ARHGEF6: variants seen among roughly 807,000 people sequenced by gnomAD.
ARHGEF6 encodes the protein Rac/Cdc42 guanine nucleotide exchange factor 6.
A neutral mutation model predicts 70.3 loss-of-function variants in ARHGEF6; 9 were observed. That is an observed-to-expected ratio of 0.13 (90% CI 0.08 to 0.22). The LOEUF is 0.22. Ranked by LOEUF, ARHGEF6 falls within the 10% of genes least tolerant of loss-of-function variation. ARHGEF6 has a pLI of 1.00. For missense variants in ARHGEF6, 470 were observed against 563.0 expected, an observed-to-expected ratio of 0.83 and a Z score of 1.67; for synonymous variants, 201 against 207.8, an observed-to-expected ratio of 0.97 and a Z score of 0.28.
intron 2 of ARHGEF6, among the ~76,000 whole-genome samples, chrX:136,771,190 C>T (rs781527198): frequency 2.7e-5 from 3 of 111,940 alleles, no homozygotes; most frequent in African/African-American, 6.5e-5. Context: ...AGTGGAAATA[C>T]ATCCCATAAG....
chrX:136,777,167 G>A (rs1489795436), intron 2 of ARHGEF6, among the ~76,000 whole-genome samples: 1 of 111,619 alleles, frequency 9.0e-6, no homozygotes, highest in Non-Finnish European at 1.9e-5. Flanking sequence ...AGAGGTTGCA[G>A]TGAGCCAAGA....
intron 6 of ARHGEF6, among the ~76,000 whole-genome samples, chrX:136,727,914 C>T (rs1218053052): frequency 9.1e-6 from 1 of 110,326 alleles, no homozygotes; most frequent in African/African-American, 3.3e-5. Context: ...CCTTACAACA[C>T]CTTACAACCT....
At chrX:136,747,255 G>T (rs1311930482) in intron 3 of ARHGEF6, among the ~76,000 whole-genome samples, 1 of 111,234 alleles carries the variant, frequency 9.0e-6, no homozygotes, top group East Asian at 2.8e-4. Flanking sequence ...GTGATTCAGA[G>T]CTTTGAATGG....
In ARHGEF6 at chrX:136,762,969, G is replaced by C. The variant is rs111820519; in HGVS notation, c.250-15377C>G. On this transcript the variant is annotated intron_variant, in intron 2 of 21. Coordinates refer to ENST00000250617, the MANE Select transcript of ARHGEF6 (RefSeq NM_004840.3). ...AACCAGGAATCAAACCCAGACCAAG[G>C]CAGGAAAAGGAACATATTCTAGCGA... Among the ~76,000 whole-genome samples, 411 of 111,931 alleles carry C rather than the reference G, an allele frequency of 3.7e-3. 1 individual carries two copies. Among genetic ancestry groups the C allele is most frequent in the African/African-American group, 0.011 (353 of 30,784 alleles).
chrX:136,705,541 C>G (rs908723764), intron 9 of ARHGEF6, among the ~76,000 whole-genome samples: 1 of 111,790 alleles, frequency 8.9e-6, no homozygotes, highest in African/African-American at 3.3e-5. Flanking sequence ...TTAACCTAAG[C>G]CTTCCAATGT....
At chrX:136,731,684 G>A (rs962436891) in intron 6 of ARHGEF6, among the ~76,000 whole-genome samples, 1 of 112,105 alleles carries the variant, frequency 8.9e-6, no homozygotes, top group African/African-American at 3.2e-5. Context: ...TATTCCAGAC[G>A]ATATAATAAT....
chrX:136,701,860 A>C (rs762636272), intron 9 of ARHGEF6, among the ~76,000 whole-genome samples: 31 of 107,599 alleles, frequency 2.9e-4, no homozygotes, highest in African/African-American at 1.0e-3. Flanking sequence ...GGCGCCCACC[A>C]CCACGCCCGG....
intron 3 of ARHGEF6, among the ~76,000 whole-genome samples, chrX:136,746,728 C>T (rs185753082): frequency 2.2e-4 from 24 of 111,403 alleles, no homozygotes; most frequent in African/African-American, 6.9e-4. Context: ...CCCAACTCAG[C>T]GACTAACTTT....
chrX:136,729,052 C>G (rs1377362656), intron 6 of ARHGEF6, among the ~76,000 whole-genome samples: 1 of 84,689 alleles, frequency 1.2e-5, no homozygotes, highest in African/African-American at 4.5e-5. Flanking sequence ...CTCTCTCTCT[C>G]TCCTCCCCCA....
intron 17 of ARHGEF6, 63 bp downstream of exon 17, chrX:136,677,873 A>G: frequency 1.0e-6 from 1 of 991,589 alleles, no homozygotes; most frequent in Non-Finnish European, 1.4e-6. Context: ...AGCTTCATTC[A>G]TCAAAGGTTA....
At chrX:136,725,373 C>CAA (rs369063268) in intron 6 of ARHGEF6, among the ~76,000 whole-genome samples, 1 of 99,882 alleles carries the variant, frequency 1.0e-5, no homozygotes, top group African/African-American at 3.8e-5. Flanking sequence ...GCCCCCCCCC[C>CAA]AAAAAAAAAC....
chrX:136,743,537 GA>G, intron 5 of ARHGEF6, 47 bp downstream of exon 5: 1 of 1,141,529 alleles, frequency 8.8e-7, no homozygotes. Flanking sequence ...AGAATACCAA[GA>G]AAGTACAAGA....
chrX:136,778,673 A>G (rs1427390722), intron 2 of ARHGEF6, among the ~76,000 whole-genome samples: 1 of 110,308 alleles, frequency 9.1e-6, no homozygotes, highest in Non-Finnish European at 1.9e-5. Flanking sequence ...TATTTTTTGT[A>G]GAGTCACCAT....
At position 136,743,674 on chromosome X, in the gene ARHGEF6, C is replaced by T; in HGVS notation, c.572G>A (p.Arg191Gln). Residue 191 changes from arginine (R) to glutamine (Q), a missense_variant, in exon 5 of 22, where the codon CGA (arginine) becomes CAA (glutamine). Physicochemically the swap from Arg to Gln is conservative, Grantham distance 43 (BLOSUM62 1). This residue lies in a region of ARHGEF6 where 379 missense variants were observed against 449.3 expected (regional missense o/e 0.84). Coordinates refer to ENST00000250617, the MANE Select transcript of ARHGEF6 (RefSeq NM_004840.3). ...TTCCCACCAGCCTCCTTCTTCAACTCGTGTGACGTAAATGATGTCCCCCTT... is the reference window on the plus strand; with the variant it reads ...TTCCCACCAGCCTCCTTCTTCAACTTGTGTGACGTAAATGATGTCCCCCTT... ...VCKGDIIYVT[R>Q]VEEGGWWEGT... The T allele has an allele frequency of 1.7e-6, 2 of 1,211,666 alleles. No individual in the cohort carries two copies. The highest frequency in any genetic ancestry group is 2.2e-6 in the Non-Finnish European group (2 of 895,300).
At chrX:136,672,788 C>G (rs2076239031) in intron 19 of ARHGEF6, among the ~76,000 whole-genome samples, 1 of 112,149 alleles carries the variant, frequency 8.9e-6, no homozygotes, top group African/African-American at 3.2e-5. Flanking sequence ...AAACAGCTCT[C>G]CTGCACCTCC....
chrX:136,740,004 A>G (rs2077026402), intron 5 of ARHGEF6, among the ~76,000 whole-genome samples: 2 of 101,138 alleles, frequency 2.0e-5, no homozygotes, highest in Non-Finnish European at 3.8e-5. Context: ...CCCAAGTTAC[A>G]TTATTATTAT....
chrX:136,715,518 G>T (rs2076728294), intron 6 of ARHGEF6, among the ~76,000 whole-genome samples: 1 of 110,920 alleles, frequency 9.0e-6, no homozygotes. Flanking sequence ...TGTCAGAAAA[G>T]AGAGGTCACA....
intron 2 of ARHGEF6, among the ~76,000 whole-genome samples, chrX:136,772,396 G>A (rs1336028804): frequency 8.9e-6 from 1 of 112,027 alleles, no homozygotes; most frequent in African/African-American, 3.2e-5. Flanking sequence ...AACTTAAAGA[G>A]TGTAATTGAA....
intron 6 of ARHGEF6, 75 bp downstream of exon 6, chrX:136,732,027 C>T: frequency 1.2e-6 from 1 of 814,623 alleles, no homozygotes; most frequent in Non-Finnish European, 1.8e-6. Context: ...GTCACCTCAA[C>T]ACATCAATGG....
Sources: gnomAD v4.1 joint callset for allele counts (sites outside exome capture counted in the v4.1 genomes callset) on GRCh38, gnomAD v4.1.1 for gene constraint, gnomAD v4.1.1 regional missense constraint, MANE v1.5 for transcripts, NCBI Gene and HGNC (gene_info 2026-07-23, HGNC 2026-07-21) for gene names.